Variants in PPARGC1A observed in about 807,000 individuals in gnomAD.
The protein encoded by PPARGC1A is PPARG coactivator 1 alpha.
In PPARGC1A, 25 loss-of-function variants were observed where a neutral mutation model predicts 88.7. The observed-to-expected ratio is 0.28, with a 90% CI of 0.21 to 0.39. PPARGC1A has a LOEUF of 0.39. Ranked by LOEUF, PPARGC1A falls within the 10% of genes least tolerant of loss-of-function variation. PPARGC1A has a pLI of 1.00. For missense variants in PPARGC1A, 880 were observed against 968.7 expected, an observed-to-expected ratio of 0.91 and a Z score of 1.22; for synonymous variants, 363 against 355.6, an observed-to-expected ratio of 1.02 and a Z score of -0.24.
the PPARGC1A span, among the ~76,000 whole-genome samples, chr4:24,267,959 T>A: frequency 6.6e-6 from 1 of 152,198 alleles, no homozygotes; most frequent in Non-Finnish European, 1.5e-5. Context: ...TCTTAGGGGA[T>A]CAACTGTAGA....
upstream of PPARGC1A, among the ~76,000 whole-genome samples, chr4:23,900,074 G>C (rs1719129365): frequency 6.6e-6 from 1 of 151,374 alleles, no homozygotes; most frequent in African/African-American, 2.4e-5. Flanking sequence ...AAACCACTTA[G>C]ACAAACAGCC....
chr4:24,468,589 A>G, the PPARGC1A span, among the ~76,000 whole-genome samples: 3 of 152,186 alleles, frequency 2.0e-5, no homozygotes, highest in Non-Finnish European at 4.4e-5. Flanking sequence ...TCTCTCCAAA[A>G]AAATCACCCC....
chr4:24,141,286 C>A, the PPARGC1A span, among the ~76,000 whole-genome samples: 1 of 152,246 alleles, frequency 6.6e-6, no homozygotes, highest in Non-Finnish European at 1.5e-5. Flanking sequence ...TTCACATGAC[C>A]AGTCCCCTGC....
chr4:24,014,061 G>C, the PPARGC1A span, among the ~76,000 whole-genome samples: 1 of 152,312 alleles, frequency 6.6e-6, no homozygotes, highest in East Asian at 1.9e-4. Flanking sequence ...GGGAACTTCA[G>C]TTTACATTCA....
the PPARGC1A span, among the ~76,000 whole-genome samples, chr4:24,143,306 C>T: frequency 3.3e-5 from 5 of 151,820 alleles, no homozygotes; most frequent in African/African-American, 9.7e-5. Flanking sequence ...CCTGACCTTC[C>T]AATAGGGGAG....
At chr4:24,455,844 C>A in the PPARGC1A span, among the ~76,000 whole-genome samples, 1 of 152,236 alleles carries the variant, frequency 6.6e-6, no homozygotes, top group Admixed American at 6.5e-5. Flanking sequence ...CTTGGACTTA[C>A]CAACCTCCAG....
the PPARGC1A span, among the ~76,000 whole-genome samples, chr4:24,174,933 C>T: frequency 2.0e-5 from 3 of 152,170 alleles, no homozygotes; most frequent in Non-Finnish European, 2.9e-5. Context: ...TTTATATATC[C>T]TGTGAAAATG....
chr4:24,278,726 T>C, the PPARGC1A span, among the ~76,000 whole-genome samples: 1 of 152,212 alleles, frequency 6.6e-6, no homozygotes, highest in Non-Finnish European at 1.5e-5. Flanking sequence ...TGTTGCTATT[T>C]TGACTTAACA....
chr4:24,219,910 G>C, the PPARGC1A span, among the ~76,000 whole-genome samples: 13 of 152,196 alleles, frequency 8.5e-5, no homozygotes, highest in Middle Eastern at 3.4e-3. Flanking sequence ...AAAGAGAAGT[G>C]ATTTCTCTCT....
chr4:24,440,512 G>T, the PPARGC1A span, among the ~76,000 whole-genome samples: 1 of 152,104 alleles, frequency 6.6e-6, no homozygotes, highest in South Asian at 2.1e-4. Flanking sequence ...TTACTTTTCA[G>T]ATTTCTTGGC....
chr4:24,113,051 T>G, the PPARGC1A span, among the ~76,000 whole-genome samples: 1 of 152,346 alleles, frequency 6.6e-6, no homozygotes, highest in South Asian at 2.1e-4. Flanking sequence ...TCCAGAAAAC[T>G]TCCTTGCTTC....
chr4:24,395,402 A>C, the PPARGC1A span, among the ~76,000 whole-genome samples: 1 of 152,166 alleles, frequency 6.6e-6, no homozygotes, highest in Non-Finnish European at 1.5e-5. Flanking sequence ...ATGCTCACTT[A>C]AATAATATAG....
At chr4:23,850,651 G>A (rs897057675) in intron 2 of PPARGC1A, among the ~76,000 whole-genome samples, 2 of 152,120 alleles carry the variant, frequency 1.3e-5, no homozygotes, top group South Asian at 2.1e-4. Context: ...TGACAATAGC[G>A]GTCATTGATA....
chr4:24,378,056 G>T, the PPARGC1A span, among the ~76,000 whole-genome samples: 3 of 152,118 alleles, frequency 2.0e-5, no homozygotes, highest in African/African-American at 7.2e-5. Context: ...ACTAATCTGG[G>T]CTGGGCGCAG....
the PPARGC1A span, among the ~76,000 whole-genome samples, chr4:24,200,399 T>C: frequency 6.6e-6 from 1 of 151,600 alleles, no homozygotes; most frequent in Non-Finnish European, 1.5e-5. Context: ...TAATCCCAGC[T>C]ATTTGGGAGG....
the PPARGC1A span, among the ~76,000 whole-genome samples, chr4:24,050,121 A>C: frequency 1.3e-5 from 2 of 151,620 alleles, no homozygotes; most frequent in Admixed American, 6.6e-5. Context: ...TGAAATTGAT[A>C]ATATGATTTT....
At chr4:24,351,459 AC>A in the PPARGC1A span, among the ~76,000 whole-genome samples, 7 of 152,050 alleles carry the variant, frequency 4.6e-5, no homozygotes, top group Non-Finnish European at 8.8e-5. Context: ...AAATGCGATT[AC>A]AAAACAACTC....
the PPARGC1A span, among the ~76,000 whole-genome samples, chr4:24,151,004 T>C: frequency 1.3e-5 from 2 of 152,230 alleles, no homozygotes; most frequent in Admixed American, 1.3e-4. Flanking sequence ...TCCCCAGTTC[T>C]GGGATCTTCT....
At chr4:24,075,140 T>C in the PPARGC1A span, among the ~76,000 whole-genome samples, 1 of 152,196 alleles carries the variant, frequency 6.6e-6, no homozygotes, top group African/African-American at 2.4e-5. Flanking sequence ...CTCCACTTCA[T>C]AGAACAGAGA....
Sources: allele counts gnomAD v4.1 joint callset (sites outside exome capture counted in the v4.1 genomes callset), GRCh38; gene constraint gnomAD v4.1.1; transcripts MANE v1.5; gene names NCBI Gene and HGNC (gene_info 2026-07-23, HGNC 2026-07-21).